RPS6KC1: variants seen among roughly 807,000 people sequenced by gnomAD.
RPS6KC1 encodes inactive ribosomal protein S6 kinase delta-1.
Under a neutral mutation model 103.8 loss-of-function variants are expected in RPS6KC1, and 54 were observed. That is an observed-to-expected ratio of 0.52 (90% CI 0.42 to 0.65). The LOEUF (loss-of-function observed/expected upper bound fraction) is 0.65, where lower values mean the gene tolerates loss of function less well. Among genes scored for constraint, RPS6KC1 ranks in the 30% least tolerant of loss-of-function variants. The probability of loss-of-function intolerance (pLI) is 0.00; values close to 1 mark genes in which losing one functional copy is unlikely to be tolerated. For missense variants in RPS6KC1, 1,151 were observed against 1,253.8 expected (o/e 0.92, Z 1.24); for synonymous variants, 439 against 438.7 (o/e 1.00, Z -0.01).
chr1:213,363,340 A>AT, the RPS6KC1 span, among the ~76,000 whole-genome samples: 2 of 152,274 alleles, frequency 1.3e-5, no homozygotes, highest in South Asian at 2.1e-4. Flanking sequence ...CAAGAGGTTG[A>AT]TTTTTCTCAC....
the RPS6KC1 span, among the ~76,000 whole-genome samples, chr1:213,662,796 C>G: frequency 1.3e-5 from 2 of 152,172 alleles, no homozygotes; most frequent in African/African-American, 4.8e-5. Context: ...CATCACAGCC[C>G]TTTTACTAAT....
the RPS6KC1 span, among the ~76,000 whole-genome samples, chr1:213,547,101 G>T: frequency 4.6e-3 from 693 of 152,220 alleles, 2 homozygotes; most frequent in African/African-American, 0.016. Context: ...TTAGACTGAG[G>T]TTATGGGGTT....
At chr1:213,367,980 T>C in the RPS6KC1 span, among the ~76,000 whole-genome samples, 4 of 152,234 alleles carry the variant, frequency 2.6e-5, no homozygotes, top group Admixed American at 1.3e-4. Flanking sequence ...TGCACATCTG[T>C]TGGTCTCTTA....
chr1:213,398,587 G>C, the RPS6KC1 span, among the ~76,000 whole-genome samples: 1 of 152,012 alleles, frequency 6.6e-6, no homozygotes, highest in Non-Finnish European at 1.5e-5. Flanking sequence ...TGGACTCAAA[G>C]GACTTCCTTT....
At chr1:213,537,695 C>T in the RPS6KC1 span, among the ~76,000 whole-genome samples, 6,901 of 152,106 alleles carry the variant, frequency 0.045, 510 homozygotes, top group African/African-American at 0.16. Context: ...GAATTCTAGG[C>T]CCACAGGGAA....
At chr1:213,719,317 G>C in the RPS6KC1 span, among the ~76,000 whole-genome samples, 39 of 152,150 alleles carry the variant, frequency 2.6e-4, no homozygotes, top group Non-Finnish European at 3.2e-4. Flanking sequence ...GGAGTACAAG[G>C]GTGAGTATCA....
chr1:213,812,679 A>G, the RPS6KC1 span, among the ~76,000 whole-genome samples: 2 of 152,296 alleles, frequency 1.3e-5, no homozygotes, highest in Non-Finnish European at 2.9e-5. Flanking sequence ...TGGCTTATAA[A>G]TATGAACCAA....
the RPS6KC1 span, among the ~76,000 whole-genome samples, chr1:213,463,233 A>T: frequency 6.6e-6 from 1 of 152,170 alleles, no homozygotes; most frequent in Admixed American, 6.5e-5. Context: ...GCTGCTTGTG[A>T]GCCCCAAGGG....
chr1:213,267,398 GAACA>G (rs1409480781), intron 14 of RPS6KC1, among the ~76,000 whole-genome samples: 2 of 151,854 alleles, frequency 1.3e-5, no homozygotes, highest in Non-Finnish European at 2.9e-5. Flanking sequence ...ACCAAACAAA[GAACA>G]AACAATCCAA....
the RPS6KC1 span, among the ~76,000 whole-genome samples, chr1:213,629,777 T>C: frequency 7.2e-5 from 11 of 152,128 alleles, no homozygotes; most frequent in Admixed American, 7.2e-4. Context: ...AGGGCAGGCC[T>C]GGTGGTGACA....
At chr1:213,734,996 T>TC in the RPS6KC1 span, among the ~76,000 whole-genome samples, 1 of 152,222 alleles carries the variant, frequency 6.6e-6, no homozygotes. Flanking sequence ...TGATCTCGGC[T>TC]CACTGCAAGC....
At chr1:213,686,004 G>C in the RPS6KC1 span, among the ~76,000 whole-genome samples, 2 of 152,178 alleles carry the variant, frequency 1.3e-5, no homozygotes, top group African/African-American at 4.8e-5. Context: ...TTTTCAATGA[G>C]ACCACACAGA....
chr1:213,315,159 T>G, the RPS6KC1 span, among the ~76,000 whole-genome samples: 1 of 152,234 alleles, frequency 6.6e-6, no homozygotes, highest in Middle Eastern at 3.2e-3. Flanking sequence ...AACATAACAC[T>G]GATAATTTTC....
At chr1:213,369,479 G>A in the RPS6KC1 span, among the ~76,000 whole-genome samples, 1 of 152,244 alleles carries the variant, frequency 6.6e-6, no homozygotes, top group Non-Finnish European at 1.5e-5. Flanking sequence ...TGGAAAGGAT[G>A]TCACAGAGAA....
chr1:213,529,777 A>T, the RPS6KC1 span, among the ~76,000 whole-genome samples: 1 of 152,182 alleles, frequency 6.6e-6, no homozygotes, highest in Non-Finnish European at 1.5e-5. Context: ...TTAGCTCACC[A>T]TTGATCCCTG....
the RPS6KC1 span, among the ~76,000 whole-genome samples, chr1:213,382,548 T>C: frequency 6.6e-6 from 1 of 151,946 alleles, no homozygotes; most frequent in East Asian, 1.9e-4. Context: ...TTTTTTTTTT[T>C]TTTGAAGCGG....
the RPS6KC1 span, among the ~76,000 whole-genome samples, chr1:213,629,159 A>G: frequency 6.6e-6 from 1 of 152,248 alleles, no homozygotes; most frequent in African/African-American, 2.4e-5. Flanking sequence ...TGTCTCATTG[A>G]TCTGTCTAAT....
At chr1:213,318,534 A>G in the RPS6KC1 span, among the ~76,000 whole-genome samples, 16 of 152,260 alleles carry the variant, frequency 1.1e-4, no homozygotes, top group Non-Finnish European at 1.8e-4. Flanking sequence ...GTTTCCTACT[A>G]TGTGTCTGTA....
chr1:213,241,492 A>G lies in RPS6KC1; in HGVS notation c.2016A>G (p.Ser672=), dbSNP rs1222809733. The part of the protein sequence containing the change: ...RGSDDSVPVI[S]FKDAAFDDVS... ...CAGATGACTCAGTGCCAGTTATTTC[A>G]TTTAAAGATGCTGCTTTTGATGATG... is the stretch of plus-strand genomic sequence containing the variant. Residue 672 remains serine, a synonymous_variant, in exon 11 of 15, where the codon TCA becomes TCG. Transcript: ENST00000366960. 6.2e-7 allele frequency: 1 copy of G among 1,614,028 alleles called. No homozygotes were observed. Among genetic ancestry groups the G allele is most frequent in the Non-Finnish European group, 8.5e-7 (1 of 1,179,942 alleles).
Sources: gnomAD v4.1 joint callset for allele counts (sites outside exome capture counted in the v4.1 genomes callset) on GRCh38, gnomAD v4.1.1 for gene constraint, MANE v1.5 for transcripts, NCBI Gene and HGNC (gene_info 2026-07-23, HGNC 2026-07-21) for gene names.